REC114: variants seen among roughly 807,000 people sequenced by gnomAD.
The protein encoded by REC114 is REC114 meiotic recombination protein.
In REC114, 27 loss-of-function variants were observed where a neutral mutation model predicts 31.3. The observed-to-expected ratio is 0.86, with a 90% CI of 0.64 to 1.19. The LOEUF is 1.19. Among genes scored for constraint, REC114 ranks in the 50% most tolerant of loss-of-function variants. REC114 has a pLI of 0.00. For synonymous variants in REC114, 134 were observed against 127.7 expected, an observed-to-expected ratio of 1.05 and a Z score of -0.33; for missense variants, 344 against 326.9, an observed-to-expected ratio of 1.05 and a Z score of -0.40.
chr15:73,465,570 A>G lies in REC114; in HGVS notation c.160-8262A>G, dbSNP rs569947574. The stretch of plus-strand genomic sequence containing the variant: ...CTCTATTTCTTCCCTAGCTCTTAGC[A>G]TTATCTCATATACTAGATAATTTTT... On this transcript the variant is annotated intron_variant, in intron 1 of 5. Transcript: ENST00000331090. Among the ~76,000 whole-genome samples, 51 of 152,276 alleles carry G rather than the reference A, an allele frequency of 3.3e-4. 1 individual carries two copies. Among genetic ancestry groups the G allele is most frequent in the African/African-American group, 9.9e-4 (41 of 41,550 alleles).
chr15:73,532,210 C>T (rs532665929), intron 2 of REC114, among the ~76,000 whole-genome samples: 1 of 151,336 alleles, frequency 6.6e-6, no homozygotes, highest in Admixed American at 6.6e-5. Flanking sequence ...GTTCAGTTCC[C>T]ACCTATGAGT....
chr15:73,499,808 C>T (rs1893579782), intron 2 of REC114, among the ~76,000 whole-genome samples: 1 of 152,136 alleles, frequency 6.6e-6, no homozygotes, highest in African/African-American at 2.4e-5. Flanking sequence ...TCCCTGAAAA[C>T]TCTGCAGTTT....
chr15:73,484,182 GT>G, intron 2 of REC114, among the ~76,000 whole-genome samples: 1 of 152,004 alleles, frequency 6.6e-6, no homozygotes, highest in East Asian at 1.9e-4. Flanking sequence ...CAGATCTCAT[GT>G]GATCTTCTCC....
rs374773244 is a variant in REC114 at position 73,493,248 on chromosome 15, T to C, written c.249+19327T>C. On this transcript the variant is annotated intron_variant, in intron 2 of 5. Transcript: ENST00000331090. ...TTGCCCAGGCAGCTGCTTATTCTTT[T>C]ATTTCTTCAAGCTCCTTGTTTATTT... 3.9e-5 allele frequency among the ~76,000 whole-genome samples: 6 copies of C among 152,244 alleles called. No individual in the cohort carries two copies. In the South Asian group the frequency reaches 1.2e-3, roughly 32 times the overall value.
intron 1 of REC114, among the ~76,000 whole-genome samples, chr15:73,463,666 C>A (rs903441023): frequency 6.6e-6 from 1 of 152,114 alleles, no homozygotes; most frequent in Non-Finnish European, 1.5e-5. Flanking sequence ...ACTAAAAATA[C>A]AAAACTTAGC....
intron 4 of REC114, 150 bp downstream of exon 4, chr15:73,551,300 C>T (rs1290771546): frequency 2.1e-5 from 16 of 753,790 alleles, no homozygotes; most frequent in South Asian, 1.8e-5. Context: ...GAGGTCGATA[C>T]TCATTGTAGC....
At chr15:73,446,321 G>T (rs1892764309) in intron 1 of REC114, among the ~76,000 whole-genome samples, 1 of 152,164 alleles carries the variant, frequency 6.6e-6, no homozygotes, top group Non-Finnish European at 1.5e-5. Context: ...GGCAGCAGTA[G>T]ATAGGAGAAG....
intron 2 of REC114, among the ~76,000 whole-genome samples, chr15:73,494,902 T>C (rs957140660): frequency 1.5e-4 from 23 of 152,358 alleles, no homozygotes; most frequent in African/African-American, 4.8e-4. Flanking sequence ...ATAGCTCTGA[T>C]AGGGACCCGA....
chr15:73,454,001 G>C (rs1892885682), intron 1 of REC114, among the ~76,000 whole-genome samples: 1 of 151,998 alleles, frequency 6.6e-6, no homozygotes, highest in East Asian at 1.9e-4. Context: ...ATAGCATTAG[G>C]ATAAATACCT....
intron 2 of REC114, among the ~76,000 whole-genome samples, chr15:73,499,390 G>A (rs1409549820): frequency 4.6e-5 from 7 of 152,138 alleles, no homozygotes; most frequent in African/African-American, 1.4e-4. Context: ...TTGATCACTT[G>A]CTGTCTAATT....
intron 3 of REC114, among the ~76,000 whole-genome samples, chr15:73,542,569 A>G (rs1047520833): frequency 4.0e-5 from 6 of 151,802 alleles, no homozygotes; most frequent in East Asian, 1.9e-4. Context: ...ACCACCCACA[A>G]CCCCCAGAAG....
intron 2 of REC114, among the ~76,000 whole-genome samples, chr15:73,495,799 T>C (rs1016933172): frequency 3.9e-5 from 6 of 152,118 alleles, no homozygotes; most frequent in African/African-American, 1.4e-4. Context: ...AATCTTCTTA[T>C]TGTTGGAGAA....
intron 2 of REC114, among the ~76,000 whole-genome samples, chr15:73,485,909 T>G (rs1036344574): frequency 3.9e-5 from 6 of 152,216 alleles, no homozygotes; most frequent in Non-Finnish European, 8.8e-5. Context: ...TCAATTTAAT[T>G]CCACTTTTGT....
chr15:73,471,551 T>G (rs1239748636), intron 1 of REC114, among the ~76,000 whole-genome samples: 1 of 152,138 alleles, frequency 6.6e-6, no homozygotes, highest in Admixed American at 6.5e-5. Flanking sequence ...ATTAAACCTT[T>G]ACATGGAGAT....
In REC114 at chr15:73,550,172, T is replaced by C. The variant is rs964367670; in HGVS notation, c.334-766T>C. On this transcript the variant is annotated intron_variant, in intron 3 of 5. Transcript: ENST00000331090. ...CTCTAAACTAGGCAGAGTAGTAGACTAGAAAAAAGGGAAACTATTCTAAAA... is the reference window on the plus strand; with the variant it reads ...CTCTAAACTAGGCAGAGTAGTAGACCAGAAAAAAGGGAAACTATTCTAAAA... Among the ~76,000 whole-genome samples the C allele has an allele frequency of 3.9e-5, 6 of 152,306 alleles. No homozygotes were observed. In the East Asian group the frequency reaches 1.2e-3, roughly 29 times the overall value.
At chr15:73,503,413 C>T (rs913684027) in intron 2 of REC114, among the ~76,000 whole-genome samples, 2 of 151,980 alleles carry the variant, frequency 1.3e-5, no homozygotes, top group African/African-American at 4.8e-5. Context: ...TAAATTTTTT[C>T]CGTATCTTTT....
intron 2 of REC114, among the ~76,000 whole-genome samples, chr15:73,513,525 G>A (rs1289307706): frequency 4.0e-4 from 59 of 149,174 alleles, no homozygotes; most frequent in Middle Eastern, 3.6e-3. Flanking sequence ...GGCGCTCTGC[G>A]TTTTAGAGTT....
intron 2 of REC114, among the ~76,000 whole-genome samples, chr15:73,520,970 C>T (rs1453279983): frequency 6.6e-6 from 1 of 152,170 alleles, no homozygotes; most frequent in African/African-American, 2.4e-5. Flanking sequence ...AGGAATCTCA[C>T]AGACAAGGCA....
chr15:73,503,997 A>ATTT (rs71137349), intron 2 of REC114, among the ~76,000 whole-genome samples: 4 of 63,998 alleles, frequency 6.3e-5, no homozygotes, highest in African/African-American at 1.1e-4. Flanking sequence ...TCCCATAGGA[A>ATTT]TTTTTTTTTT....
Sources: gnomAD v4.1 joint callset for allele counts (sites outside exome capture counted in the v4.1 genomes callset) on GRCh38, gnomAD v4.1.1 for gene constraint, MANE v1.5 for transcripts, NCBI Gene and HGNC (gene_info 2026-07-23, HGNC 2026-07-21) for gene names.